FGF13: variants seen among roughly 807,000 people sequenced by gnomAD.
FGF13 encodes fibroblast growth factor 13.
Under a neutral mutation model 19.5 loss-of-function variants are expected in FGF13, and 2 were observed. The ratio of observed to expected loss-of-function variants is 0.10; its 90% CI spans 0.04 to 0.32. The LOEUF (loss-of-function observed/expected upper bound fraction) is 0.32, where lower values mean the gene tolerates loss of function less well. Among genes scored for constraint, FGF13 ranks in the 10% least tolerant of loss-of-function variants. FGF13 has a pLI of 1.00. For synonymous variants in FGF13, 72 were observed against 76.9 expected (o/e 0.94, Z 0.33); for missense variants, 113 against 192.7 (o/e 0.59, Z 2.45).
intron 1 of FGF13, among the ~76,000 whole-genome samples, chrX:139,053,571 T>C (rs750690337): frequency 3.6e-4 from 40 of 111,387 alleles, no homozygotes; most frequent in Non-Finnish European, 3.8e-5. Flanking sequence ...TGTCTATTCA[T>C]GTCTTTAGCC....
At chrX:139,173,837 T>C (rs4585897) in intron 1 of FGF13, among the ~76,000 whole-genome samples, 1 of 112,023 alleles carries the variant, frequency 8.9e-6, no homozygotes, top group African/African-American at 3.3e-5. Flanking sequence ...AGTCTTGTTA[T>C]TGTGAATAGT....
At chrX:138,692,426 A>G (rs1366873071) in intron 3 of FGF13, among the ~76,000 whole-genome samples, 1 of 104,861 alleles carries the variant, frequency 9.5e-6, no homozygotes, top group African/African-American at 3.5e-5. Flanking sequence ...GATTAACATT[A>G]TACAAACGAG....
At chrX:138,881,882 T>TC (rs1463372304) in intron 1 of FGF13, among the ~76,000 whole-genome samples, 1 of 110,439 alleles carries the variant, frequency 9.1e-6, no homozygotes, top group East Asian at 2.8e-4. Flanking sequence ...ATATTGTTTT[T>TC]CTCTATTCTC....
intron 1 of FGF13, among the ~76,000 whole-genome samples, chrX:139,102,758 G>A (rs755463186): frequency 5.2e-4 from 59 of 112,465 alleles, no homozygotes; most frequent in Admixed American, 1.1e-3. Context: ...CAAATGGGCC[G>A]TACAGACGGT....
intron 1 of FGF13, among the ~76,000 whole-genome samples, chrX:139,043,294 C>A (rs1447161885): frequency 9.0e-6 from 1 of 110,593 alleles, no homozygotes; most frequent in Non-Finnish European, 1.9e-5. Flanking sequence ...TCACTGCAAC[C>A]CCCGCCTCCC....
intron 1 of FGF13, among the ~76,000 whole-genome samples, chrX:138,954,864 C>T (rs2091833185): frequency 8.9e-6 from 1 of 112,054 alleles, no homozygotes; most frequent in Non-Finnish European, 1.9e-5. Flanking sequence ...TTCTTATTTT[C>T]TCTGTGTGAA....
intron 1 of FGF13, among the ~76,000 whole-genome samples, chrX:138,890,090 A>G (rs2091469465): frequency 9.1e-6 from 1 of 110,107 alleles, no homozygotes; most frequent in South Asian, 4.0e-4. Flanking sequence ...CACCACACCC[A>G]GCTAATTTTT....
At chrX:138,796,478 G>A (rs1031681680) in intron 3 of FGF13, among the ~76,000 whole-genome samples, 5 of 111,762 alleles carry the variant, frequency 4.5e-5, no homozygotes, top group African/African-American at 1.6e-4. Flanking sequence ...TCATTGATGG[G>A]CATTTGGGTT....
intron 3 of FGF13, among the ~76,000 whole-genome samples, chrX:138,745,849 A>T (rs970495959): frequency 9.0e-6 from 1 of 111,591 alleles, no homozygotes; most frequent in Middle Eastern, 4.2e-3. Flanking sequence ...TGCAGAAGGC[A>T]ATCAGTGCCA....
chrX:139,028,668 AGAGAGT>A (rs747469624), intron 1 of FGF13, among the ~76,000 whole-genome samples: 701 of 46,362 alleles, frequency 0.015, 5 homozygotes, highest in African/African-American at 0.04. Flanking sequence ...AGAGAGAAAG[AGAGAGT>A]GTGTGTGAAA....
chrX:138,958,028 G>A (rs2091849725), intron 1 of FGF13, among the ~76,000 whole-genome samples: 2 of 111,674 alleles, frequency 1.8e-5, no homozygotes, highest in Non-Finnish European at 1.9e-5. Context: ...TCTTTCTCCT[G>A]CCTGATTGCC....
chrX:138,951,089 G>C (rs188496975), intron 1 of FGF13, among the ~76,000 whole-genome samples: 24 of 111,749 alleles, frequency 2.1e-4, no homozygotes, highest in Non-Finnish European at 4.1e-4. Context: ...ACAAATGAGA[G>C]AATTGATACA....
intron 1 of FGF13, among the ~76,000 whole-genome samples, chrX:138,865,506 C>T (rs1028963943): frequency 1.0e-5 from 1 of 99,781 alleles, no homozygotes; most frequent in Admixed American, 1.1e-4. Flanking sequence ...TCCTCTCTCT[C>T]TCCTCTCTCT....
intron 1 of FGF13, among the ~76,000 whole-genome samples, chrX:138,960,540 A>G: frequency 9.0e-6 from 1 of 110,803 alleles, no homozygotes; most frequent in Non-Finnish European, 1.9e-5. Context: ...TATTTCCTGA[A>G]TTTGAATGTT....
upstream of FGF13, among the ~76,000 whole-genome samples, chrX:138,712,348 T>C (rs892682765): frequency 9.0e-6 from 1 of 111,598 alleles, no homozygotes; most frequent in Non-Finnish European, 1.9e-5. Context: ...CCCTCATCTG[T>C]CCGCTCAGAT....
chrX:138,842,331 C>T (rs567719663), intron 3 of FGF13, among the ~76,000 whole-genome samples: 2 of 111,236 alleles, frequency 1.8e-5, no homozygotes, highest in African/African-American at 6.5e-5. Flanking sequence ...GAATTTAACC[C>T]GAAGCAGCCT....
intron 3 of FGF13, among the ~76,000 whole-genome samples, chrX:138,835,872 G>C (rs5931501): frequency 0.32 from 35,634 of 109,962 alleles, 4,327 homozygotes; most frequent in East Asian, 0.51. Context: ...CTCAGCATTT[G>C]CTTGTCTGGA....
intron 1 of FGF13, among the ~76,000 whole-genome samples, chrX:138,952,396 C>A (rs2091817949): frequency 8.9e-6 from 1 of 111,821 alleles, no homozygotes; most frequent in Admixed American, 9.5e-5. Context: ...GAAACTGGAT[C>A]CCTTCCTTAC....
At chrX:138,861,401 T>C (rs1336972260) in intron 2 of FGF13, among the ~76,000 whole-genome samples, 1 of 112,589 alleles carries the variant, frequency 8.9e-6, no homozygotes, top group Non-Finnish European at 1.9e-5. Flanking sequence ...CTAAATAAGT[T>C]AATCATTTAT....
Sources: gnomAD v4.1 joint callset for allele counts (sites outside exome capture counted in the v4.1 genomes callset) on GRCh38, gnomAD v4.1.1 for gene constraint, MANE v1.5 for transcripts, NCBI Gene and HGNC (gene_info 2026-07-23, HGNC 2026-07-21) for gene names.